Variants in OR7E24 observed in about 807,000 individuals in gnomAD.
OR7E24 encodes olfactory receptor family 7 subfamily E member 24.
For synonymous variants in OR7E24, 130 were observed against 157.5 expected (o/e 0.83, Z 1.31); for missense variants, 385 against 410.3 (o/e 0.94, Z 0.53).
At chr19:9,233,271 A>G in the OR7E24 span, among the ~76,000 whole-genome samples, 3 of 152,222 alleles carry the variant, frequency 2.0e-5, no homozygotes, top group African/African-American at 4.8e-5. Flanking sequence ...CCGTTTTTCT[A>G]CCATGGTAAA....
chr19:9,206,534 T>C, the OR7E24 span: 1 of 152,320 alleles, frequency 6.6e-6, no homozygotes, highest in Middle Eastern at 3.4e-3. Flanking sequence ...ACCCTGTTTT[T>C]ATATATAAGA....
At chr19:9,237,453 G>A in the OR7E24 span, among the ~76,000 whole-genome samples, 1 of 151,938 alleles carries the variant, frequency 6.6e-6, no homozygotes, top group Non-Finnish European at 1.5e-5. Context: ...TGGGACTACA[G>A]GCGCCCCCCA....
At chr19:9,240,924 T>A in the OR7E24 span, among the ~76,000 whole-genome samples, 6 of 152,048 alleles carry the variant, frequency 3.9e-5, no homozygotes, top group Admixed American at 2.6e-4. Flanking sequence ...TTCAAGTGAT[T>A]CTCCTGCCTC....
At chr19:9,238,614 T>C in the OR7E24 span, among the ~76,000 whole-genome samples, 2 of 152,174 alleles carry the variant, frequency 1.3e-5, no homozygotes, top group Admixed American at 6.6e-5. Flanking sequence ...AAAGTGTAAA[T>C]AGATCTCTTA....
the OR7E24 span, among the ~76,000 whole-genome samples, chr19:9,230,284 A>G: frequency 1.3e-5 from 2 of 152,094 alleles, no homozygotes; most frequent in Non-Finnish European, 2.9e-5. Context: ...ACCTCAGGTG[A>G]TCCCCCTGCT....
At chr19:9,242,339 C>T in the OR7E24 span, among the ~76,000 whole-genome samples, 2 of 152,254 alleles carry the variant, frequency 1.3e-5, no homozygotes, top group South Asian at 4.2e-4. Flanking sequence ...AACCACCTCC[C>T]GGGTTCAAGC....
chr19:9,237,970 CT>C, the OR7E24 span, among the ~76,000 whole-genome samples: 1 of 151,710 alleles, frequency 6.6e-6, no homozygotes, highest in African/African-American at 2.4e-5. Context: ...CTTGCCAATA[CT>C]TTTTTAAAAA....
At chr19:9,232,704 C>T in the OR7E24 span, among the ~76,000 whole-genome samples, 1 of 152,074 alleles carries the variant, frequency 6.6e-6, no homozygotes. Flanking sequence ...GGCAGCGCCT[C>T]GGAGAGAGCT....
chr19:9,247,231 T>A (rs967776266), upstream of OR7E24: 3 of 369,668 alleles, frequency 8.1e-6, no homozygotes, highest in Non-Finnish European at 9.6e-6. Flanking sequence ...TATGGGGCAG[T>A]CCTTAGAGAC....
chr19:9,225,622 C>T, the OR7E24 span, among the ~76,000 whole-genome samples: 1,790 of 152,258 alleles, frequency 0.012, 36 homozygotes, highest in African/African-American at 0.041. Context: ...ACTGACCCTC[C>T]TTTTGTAAGT....
the OR7E24 span, among the ~76,000 whole-genome samples, chr19:9,224,799 T>C: frequency 0.081 from 12,202 of 151,050 alleles, 671 homozygotes; most frequent in East Asian, 0.23. Context: ...ATTCCATAGA[T>C]GCACTCTGAA....
upstream of OR7E24, among the ~76,000 whole-genome samples, chr19:9,246,469 TGTGTGTG>T (rs2066130764): frequency 2.3e-5 from 2 of 85,232 alleles, no homozygotes; most frequent in African/African-American, 1.6e-4. Flanking sequence ...AAAGGTATTG[TGTGTGTG>T]TGTGTGTGTG....
At chr19:9,249,386 C>T (rs2066138973), upstream of OR7E24, among the ~76,000 whole-genome samples, 1 of 152,170 alleles carries the variant, frequency 6.6e-6, no homozygotes, top group African/African-American at 2.4e-5. Flanking sequence ...ACACTCACTG[C>T]TTTCCTATCT....
At chr19:9,219,911 C>G in the OR7E24 span, among the ~76,000 whole-genome samples, 1 of 152,122 alleles carries the variant, frequency 6.6e-6, no homozygotes, top group African/African-American at 2.4e-5. Context: ...AGATTAATTT[C>G]TGCAAGGAAC....
At chr19:9,247,603 T>C (rs2066134110), upstream of OR7E24, 8 of 398,512 alleles carry the variant, frequency 2.0e-5, no homozygotes, top group Non-Finnish European at 3.1e-5. Flanking sequence ...AGGACACCAA[T>C]GTGCAAAATG....
At chr19:9,250,339 C>T (rs547235823), upstream of OR7E24, among the ~76,000 whole-genome samples, 1 of 152,172 alleles carries the variant, frequency 6.6e-6, no homozygotes, top group Non-Finnish European at 1.5e-5. Context: ...AAGCAATCCT[C>T]CTGCCTTGGC....
At chr19:9,222,749 G>C in the OR7E24 span, among the ~76,000 whole-genome samples, 1 of 152,102 alleles carries the variant, frequency 6.6e-6, no homozygotes, top group East Asian at 1.9e-4. Context: ...TGCAAACAGG[G>C]AAAACTTAAC....
the OR7E24 span, among the ~76,000 whole-genome samples, chr19:9,220,458 C>T: frequency 3.3e-5 from 5 of 152,318 alleles, no homozygotes; most frequent in South Asian, 8.3e-4. Flanking sequence ...TGAGTGAGAT[C>T]ATGTGATATT....
chr19:9,251,700 C>A lies in OR7E24; in HGVS notation c.657C>A (p.Phe219Leu). The A allele has an allele frequency of 1.9e-6, 3 of 1,613,700 alleles. No homozygotes were observed. Among genetic ancestry groups the A allele is most frequent in the Non-Finnish European group, 2.5e-6 (3 of 1,179,788 alleles). Residue 219 changes from phenylalanine to leucine, a missense_variant, in exon 1 of 1, where the codon TTC becomes TTA. Phe to Leu is a conservative substitution (Grantham distance 22, BLOSUM62 0). Transcript: ENST00000456448. Reference protein sequence around the residue: ...DTFINEMVIYFMGAIFGCLPI... With the variant: ...DTFINEMVIYLMGAIFGCLPI... ...TCATCAATGAAATGGTCATATATTT[C>A]ATGGGTGCCATATTTGGCTGTCTCC...
Sources: gnomAD v4.1 joint callset for allele counts (sites outside exome capture counted in the v4.1 genomes callset) on GRCh38, gnomAD v4.1.1 for gene constraint, MANE v1.5 for transcripts, NCBI Gene and HGNC (gene_info 2026-07-23, HGNC 2026-07-21) for gene names.